The following AUH variants were observed in gnomAD, a reference collection of about 807,000 sequenced individuals.
The protein encoded by AUH is AU RNA binding methylglutaconyl-CoA hydratase, also known as methylglutaconyl-CoA hydratase, mitochondrial.
In AUH, 29 loss-of-function variants were observed where a neutral mutation model predicts 42.3. That is an observed-to-expected ratio of 0.69 (90% CI 0.51 to 0.93). The LOEUF is 0.93. Ranked by LOEUF, AUH falls within the 40% of genes least tolerant of loss-of-function variation. The pLI is 0.00. For synonymous variants in AUH, 174 were observed against 166.4 expected (o/e 1.05, Z -0.35); for missense variants, 452 against 438.1 (o/e 1.03, Z -0.28).
At chr9:91,312,848 G>A (rs1039531756) in intron 4 of AUH, among the ~76,000 whole-genome samples, 4 of 152,160 alleles carry the variant, frequency 2.6e-5, no homozygotes, top group African/African-American at 9.7e-5. Flanking sequence ...TAGGAAGCAG[G>A]CCCGTAAGTA....
At chr9:91,277,490 G>T (rs1329811419) in intron 6 of AUH, among the ~76,000 whole-genome samples, 1 of 152,116 alleles carries the variant, frequency 6.6e-6, no homozygotes, top group Non-Finnish European at 1.5e-5. Flanking sequence ...TGTAAGAGTT[G>T]TAAGTGAAAA....
intron 3 of AUH, chr9:91,343,312 G>T (rs942332416): frequency 6.6e-6 from 1 of 152,088 alleles, no homozygotes; most frequent in East Asian, 1.9e-4. Flanking sequence ...AATTAAACCC[G>T]AGGCAAACAG....
intron 6 of AUH, among the ~76,000 whole-genome samples, chr9:91,294,507 C>T (rs1827160355): frequency 6.6e-6 from 1 of 152,220 alleles, no homozygotes; most frequent in Non-Finnish European, 1.5e-5. Context: ...GAGATCACAC[C>T]ACTGCACTCC....
chr9:91,278,423 T>G (rs1825715465), intron 6 of AUH, among the ~76,000 whole-genome samples: 1 of 152,234 alleles, frequency 6.6e-6, no homozygotes, highest in South Asian at 2.1e-4. Context: ...GTGCTCACTC[T>G]GAGTGACAAG....
chr9:91,324,131 T>C (rs1210783182), intron 4 of AUH, among the ~76,000 whole-genome samples: 3 of 152,160 alleles, frequency 2.0e-5, no homozygotes, highest in Admixed American at 1.3e-4. Flanking sequence ...ACAAAGAATA[T>C]AAAAATGCCT....
At chr9:91,272,686 G>A (rs144486392) in intron 6 of AUH, among the ~76,000 whole-genome samples, 5 of 152,034 alleles carry the variant, frequency 3.3e-5, no homozygotes, top group Middle Eastern at 3.4e-3. Flanking sequence ...TTATGTATCC[G>A]TCTGCCTCCT....
chr9:91,274,557 T>G (rs551070211), intron 6 of AUH, among the ~76,000 whole-genome samples: 2 of 152,250 alleles, frequency 1.3e-5, no homozygotes, highest in African/African-American at 4.8e-5. Context: ...GTAAGCCTTA[T>G]GAATAATTAG....
chr9:91,299,927 A>G (rs1021866045), intron 4 of AUH, among the ~76,000 whole-genome samples: 1 of 152,098 alleles, frequency 6.6e-6, no homozygotes, highest in Non-Finnish European at 1.5e-5. Flanking sequence ...CACCTCCTTT[A>G]CAGACCAGCT....
At chr9:91,325,281 C>T (rs749994417) in intron 4 of AUH, 37 bp downstream of exon 4, 10 of 1,553,908 alleles carry the variant, frequency 6.4e-6, no homozygotes, top group Middle Eastern at 1.7e-4. Context: ...TTAAGAACCC[C>T]TTCGGCATGC....
intron 4 of AUH, among the ~76,000 whole-genome samples, chr9:91,312,549 G>A (rs1213077841): frequency 2.0e-5 from 3 of 152,152 alleles, no homozygotes; most frequent in Non-Finnish European, 2.9e-5. Flanking sequence ...CCAACATGGC[G>A]AAACCCTGTC....
intron 6 of AUH, chr9:91,294,579 A>T (rs530502367): frequency 2.6e-6 from 1 of 378,520 alleles, no homozygotes; most frequent in Non-Finnish European, 5.2e-6. Context: ...ACCACATTTC[A>T]TAAGGCTATA....
intron 4 of AUH, among the ~76,000 whole-genome samples, chr9:91,317,115 A>G (rs1455333899): frequency 2.0e-5 from 3 of 152,216 alleles, no homozygotes; most frequent in Admixed American, 2.0e-4. Context: ...CCGAAAGCGA[A>G]TAATACACCG....
At chr9:91,354,028 C>A (rs1587926361) in intron 3 of AUH, among the ~76,000 whole-genome samples, 1 of 151,670 alleles carries the variant, frequency 6.6e-6, no homozygotes, top group East Asian at 1.9e-4. Flanking sequence ...TTTAGCCAGG[C>A]GTGGTGGCGG....
chr9:91,229,903 T>G (rs1383960157), intron 6 of AUH, among the ~76,000 whole-genome samples: 2 of 152,286 alleles, frequency 1.3e-5, no homozygotes, highest in Non-Finnish European at 1.5e-5. Context: ...TTCTGGCTTG[T>G]AGGGTTTCTG....
chr9:91,245,389 C>T (rs1828739791), intron 6 of AUH, among the ~76,000 whole-genome samples: 1 of 152,150 alleles, frequency 6.6e-6, no homozygotes, highest in African/African-American at 2.4e-5. Context: ...TTTTGAGAAA[C>T]AAGGCCCCAC....
intron 6 of AUH, among the ~76,000 whole-genome samples, chr9:91,237,008 A>C (rs1828225323): frequency 6.6e-6 from 1 of 152,184 alleles, no homozygotes; most frequent in Non-Finnish European, 1.5e-5. Flanking sequence ...TTAAACACCA[A>C]TTACCTACTT....
At chr9:91,292,045 T>G (rs1826943805) in intron 6 of AUH, among the ~76,000 whole-genome samples, 2 of 151,896 alleles carry the variant, frequency 1.3e-5, no homozygotes, top group Non-Finnish European at 2.9e-5. Context: ...ATTCTCTGAA[T>G]CAAAAGACCA....
At chr9:91,356,210 A>G in intron 1 of AUH, 55 bp from the exon 2 acceptor site, 2 of 1,379,586 alleles carry the variant, frequency 1.4e-6, no homozygotes, top group Non-Finnish European at 2.1e-6. Context: ...CATTCAGAGA[A>G]CAGACTCTAC....
chr9:91,334,680 A>G (rs1020734227), intron 3 of AUH, among the ~76,000 whole-genome samples: 7 of 152,240 alleles, frequency 4.6e-5, no homozygotes, highest in African/African-American at 1.7e-4. Flanking sequence ...TACACTTATT[A>G]AATTGTGGCA....
Sources: allele counts gnomAD v4.1 joint callset (sites outside exome capture counted in the v4.1 genomes callset), GRCh38; gene constraint gnomAD v4.1.1; transcripts MANE v1.5; gene names NCBI Gene and HGNC (gene_info 2026-07-23, HGNC 2026-07-21).